MED6: variants seen among roughly 807,000 people sequenced by gnomAD.
MED6 encodes mediator of RNA polymerase II transcription subunit 6.
MED6 carries 33 observed loss-of-function variants against 37.5 expected under a neutral mutation model. The ratio of observed to expected loss-of-function variants is 0.88; its 90% CI spans 0.67 to 1.18. MED6 has a LOEUF of 1.18. Among genes scored for constraint, MED6 ranks in the 50% most tolerant of loss-of-function variants. MED6 has a pLI of 0.00. For missense variants in MED6, 235 were observed against 290.6 expected, an observed-to-expected ratio of 0.81 and a Z score of 1.39; for synonymous variants, 94 against 93.6, an observed-to-expected ratio of 1.00 and a Z score of -0.02.
At position 70,595,127 on chromosome 14, in the gene MED6, G is replaced by T. The variant is rs7157685; in HGVS notation, c.274+1484C>A. ...GGGCTCTGCAAGGTCAATGACACCA[G>T]TGTCACTCGGCTTCAGCTACAGAGA... is the stretch of plus-strand genomic sequence containing the variant. On this transcript the variant is annotated intron_variant, in intron 3 of 7. Coordinates refer to ENST00000256379, the MANE Select transcript of MED6 (RefSeq NM_005466.4). 4 of 504,434 alleles carry T rather than the reference G, an allele frequency of 7.9e-6. No individual in the cohort carries two copies. The African/African-American group carries it at 8.4e-5, about 11-fold the overall frequency. The allele number at this position is 504,434 out of a possible 1,614,324, so 31.2% of individuals were successfully genotyped here. A position where few individuals can be genotyped will look rare whatever the true frequency, so the allele number is the denominator to read the frequency against.
chr14:70,594,951 G>T, intron 3 of MED6: 1 of 602,990 alleles, frequency 1.7e-6, no homozygotes, highest in South Asian at 1.4e-5. Flanking sequence ...ATTACTTCAA[G>T]ACCATCGAGG....
At position 70,584,371 on chromosome 14, in the gene MED6, A is replaced by G. The variant is rs45523543; in HGVS notation, c.*442T>C. 0.11 allele frequency: 51,884 copies of G among 461,374 alleles called. 4,689 individuals are homozygous for G. The highest frequency in any genetic ancestry group is 0.44 in the East Asian group (12,536 of 28,204). The allele number at this position is 461,374 out of a possible 1,614,324, so 28.6% of individuals were successfully genotyped here. A position where few individuals can be genotyped will look rare whatever the true frequency, so the allele number is the denominator to read the frequency against. On this transcript the variant is annotated 3_prime_UTR_variant, in exon 8 of 8. Transcript: ENST00000256379. ...ATATTCACAAGAAATCATGATGGGAATAATATCTTTTCTTCTTTTTTGAGA... is the reference window on the plus strand; with the variant it reads ...ATATTCACAAGAAATCATGATGGGAGTAATATCTTTTCTTCTTTTTTGAGA...
At chr14:70,594,701 C>T (rs1314824806) in intron 3 of MED6, 4 of 459,148 alleles carry the variant, frequency 8.7e-6, no homozygotes, top group Non-Finnish European at 1.2e-5. Flanking sequence ...TGTCCCGCTC[C>T]ACCGGTTTCC....
At chr14:70,587,338 G>A (rs1478867619) in intron 6 of MED6, among the ~76,000 whole-genome samples, 2 of 152,146 alleles carry the variant, frequency 1.3e-5, no homozygotes, top group African/African-American at 4.8e-5. Flanking sequence ...TACATGCTGA[G>A]TCCTCTGAGT....
intron 2 of MED6, among the ~76,000 whole-genome samples, chr14:70,597,173 T>C (rs1228618178): frequency 6.6e-6 from 1 of 152,226 alleles, no homozygotes; most frequent in Non-Finnish European, 1.5e-5. Context: ...CAATAAGTTG[T>C]CTCAATAGCT....
At chr14:70,585,480 G>C (rs1234114616) in intron 7 of MED6, among the ~76,000 whole-genome samples, 1 of 152,018 alleles carries the variant, frequency 6.6e-6, no homozygotes, top group Non-Finnish European at 1.5e-5. Flanking sequence ...CACCGCCCAC[G>C]GGCAGCATGA....
intron 4 of MED6, 51 bp from the exon 5 acceptor site, chr14:70,593,039 T>TG: frequency 6.2e-7 from 1 of 1,607,044 alleles, no homozygotes; most frequent in Non-Finnish European, 8.5e-7. Flanking sequence ...GACCAAACTT[T>TG]CCAAAGTAAA....
At chr14:70,594,633 G>C (rs1307202703) in intron 3 of MED6, 1 of 426,912 alleles carries the variant, frequency 2.3e-6, no homozygotes, top group East Asian at 5.4e-5. Context: ...CACCCAGCCA[G>C]TCAGCAGCAC....
intron 1 of MED6, 92 bp downstream of exon 1, chr14:70,600,524 C>T (rs1211736741): frequency 6.2e-6 from 9 of 1,443,602 alleles, no homozygotes; most frequent in East Asian, 2.4e-5. Context: ...TGAGACTTCA[C>T]ACAAAGGAAC....
chr14:70,593,464 C>T lies in MED6; in HGVS notation c.275-86G>A. On this transcript the variant is annotated intron_variant, in intron 3 of 7. Transcript: ENST00000256379. ...TCTCATAAAAAGAAATAAAATCTGA[C>T]ATTTTCCCATAAGGCAGGGTTTAGC... 3 of 1,071,232 alleles carry T rather than the reference C, an allele frequency of 2.8e-6. No individual in the cohort carries two copies. The East Asian group carries it at 7.4e-5, about 26-fold the overall frequency. The allele number at this position is 1,071,232 out of a possible 1,614,324, so 66.4% of individuals were successfully genotyped here.
At chr14:70,598,313 AC>A (rs1467626332) in intron 1 of MED6, among the ~76,000 whole-genome samples, 2 of 152,112 alleles carry the variant, frequency 1.3e-5, no homozygotes, top group African/African-American at 2.4e-5. Flanking sequence ...AAGAAAAAAA[AC>A]AAAACAAAAA....
At chr14:70,589,937 T>C (rs1289848954) in intron 6 of MED6, among the ~76,000 whole-genome samples, 1 of 152,246 alleles carries the variant, frequency 6.6e-6, no homozygotes, top group Non-Finnish European at 1.5e-5. Flanking sequence ...ATGCAAGCTA[T>C]ACATGTAATT....
chr14:70,589,252 G>A (rs558946600), intron 6 of MED6, among the ~76,000 whole-genome samples: 12 of 152,044 alleles, frequency 7.9e-5, no homozygotes, highest in Admixed American at 2.6e-4. Context: ...ATCCTAACTC[G>A]AAATACCTCC....
intron 6 of MED6, among the ~76,000 whole-genome samples, chr14:70,586,372 GCT>G (rs1258018394): frequency 1.3e-5 from 2 of 152,228 alleles, no homozygotes; most frequent in African/African-American, 2.4e-5. Flanking sequence ...ACTTGATTAA[GCT>G]CTGTCATCTC....
Position 70,584,377 on chromosome 14 carries a change from T to C in MED6, c.*436A>G, listed in dbSNP as rs1262222003. ...ACAAGAAATCATGATGGGAATAATA[T>C]CTTTTCTTCTTTTTTGAGACAAAGT... On this transcript the variant is annotated 3_prime_UTR_variant, in exon 8 of 8. Transcript: ENST00000256379. 5.0e-5 allele frequency: 22 copies of C among 437,120 alleles called. No individual in the cohort carries two copies. In the Admixed American group the frequency reaches 5.3e-4, roughly 10 times the overall value. The allele number at this position is 437,120 out of a possible 1,614,324, so 27.1% of individuals were successfully genotyped here. A position where few individuals can be genotyped will look rare whatever the true frequency, so the allele number is the denominator to read the frequency against.
At chr14:70,586,971 T>C (rs1884726943) in intron 6 of MED6, among the ~76,000 whole-genome samples, 1 of 152,220 alleles carries the variant, frequency 6.6e-6, no homozygotes, top group Non-Finnish European at 1.5e-5. Flanking sequence ...AGTGGCTCAC[T>C]GTGCCTAGAC....
chr14:70,594,924 G>C, intron 3 of MED6: 1 of 612,144 alleles, frequency 1.6e-6, no homozygotes, highest in Non-Finnish European at 3.2e-6. Context: ...AGGGACCCCA[G>C]GTCAGAGATT....
Position 70,598,454 on chromosome 14 carries a change from G to A in MED6, c.23-677C>T, listed in dbSNP as rs138848977. Among the ~76,000 whole-genome samples the A allele has an allele frequency of 1.8e-3, 273 of 151,958 alleles. 2 individuals are homozygous for A. Among genetic ancestry groups the A allele is most frequent in the African/African-American group, 6.3e-3 (263 of 41,444 alleles). ...CGCGCCACTGCACTCCAGCCTGGGC[G>A]ACAGAGCGAGACTCCGTCTCAAAAA... On this transcript the variant is annotated intron_variant, in intron 1 of 7. Transcript: ENST00000256379.
chr14:70,595,925 A>G (rs1243797303), intron 3 of MED6, among the ~76,000 whole-genome samples: 2 of 152,220 alleles, frequency 1.3e-5, no homozygotes, highest in Non-Finnish European at 2.9e-5. Context: ...CTTGACGTTC[A>G]GTCGGTATAC....
Sources: gnomAD v4.1 joint callset for allele counts (sites outside exome capture counted in the v4.1 genomes callset) on GRCh38, gnomAD v4.1.1 for gene constraint, MANE v1.5 for transcripts, NCBI Gene and HGNC (gene_info 2026-07-23, HGNC 2026-07-21) for gene names.